Variants in C1QTNF3 observed in about 807,000 individuals in gnomAD.
C1QTNF3 encodes C1q and TNF related 3, also known as complement C1q tumor necrosis factor-related protein 3.
A neutral mutation model predicts 32.6 loss-of-function variants in C1QTNF3; 26 were observed. That is an observed-to-expected ratio of 0.80 (90% CI 0.58 to 1.11). The LOEUF is 1.11. C1QTNF3 is among the 50% of genes least tolerant of loss of function. The pLI, the probability that C1QTNF3 is intolerant of heterozygous loss-of-function variation, is 0.00. For synonymous variants in C1QTNF3, 155 were observed against 146.0 expected, an observed-to-expected ratio of 1.06 and a Z score of -0.44; for missense variants, 362 against 398.2, an observed-to-expected ratio of 0.91 and a Z score of 0.77.
the C1QTNF3 span, among the ~76,000 whole-genome samples, chr5:34,106,596 G>C: frequency 8.3e-6 from 1 of 120,496 alleles, no homozygotes; most frequent in Non-Finnish European, 1.7e-5. Context: ...ATGTATGATG[G>C]TATGATATAT....
At chr5:34,134,870 A>G in the C1QTNF3 span, among the ~76,000 whole-genome samples, 7 of 152,242 alleles carry the variant, frequency 4.6e-5, no homozygotes, top group African/African-American at 1.4e-4. Flanking sequence ...ATCTGCAAAC[A>G]GGGACAATTT....
the C1QTNF3 span, among the ~76,000 whole-genome samples, chr5:34,206,872 G>A: frequency 6.6e-6 from 1 of 152,106 alleles, no homozygotes; most frequent in Admixed American, 6.5e-5. Flanking sequence ...CATCTTTCTT[G>A]ATGGGCATCT....
At chr5:34,209,854 A>C in the C1QTNF3 span, among the ~76,000 whole-genome samples, 1 of 152,124 alleles carries the variant, frequency 6.6e-6, no homozygotes, top group Non-Finnish European at 1.5e-5. Flanking sequence ...AGATTTCCTA[A>C]ACTAACGATT....
the C1QTNF3 span, among the ~76,000 whole-genome samples, chr5:34,134,822 G>C: frequency 3.3e-5 from 5 of 152,188 alleles, no homozygotes; most frequent in African/African-American, 4.8e-5. Flanking sequence ...GAGATTTTGG[G>C]TGGAGACGAT....
At chr5:34,218,201 T>A in the C1QTNF3 span, 21 of 152,620 alleles carry the variant, frequency 1.4e-4, no homozygotes, top group African/African-American at 4.3e-4. Flanking sequence ...TGATAATACA[T>A]ATAAATTTAC....
Position 34,027,736 on chromosome 5 carries a change from A to AC in C1QTNF3, c.700+1017_700+1018insG, listed in dbSNP as rs70964431. 4.8e-3 allele frequency among the ~76,000 whole-genome samples: 10 copies of AC among 2,084 alleles called. No homozygotes were observed. The Admixed American group carries it at 0.066, about 14-fold the overall frequency. 1.4% of individuals were successfully genotyped at this position (2,084 alleles called of 152,430 possible). On this transcript the variant is annotated intron_variant, in intron 4 of 5. Transcript: ENST00000382065. ...CAAACAAAAAAAATCCACCACCACCAAAAAAAAAAAAAAAAAAAAGCAAAC... is the reference window on the plus strand; with the variant it reads ...CAAACAAAAAAAATCCACCACCACCACAAAAAAAAAAAAAAAAAAAGCAAAC...
the C1QTNF3 span, among the ~76,000 whole-genome samples, chr5:34,054,068 G>C: frequency 6.6e-6 from 1 of 152,318 alleles, no homozygotes; most frequent in Middle Eastern, 3.4e-3. Flanking sequence ...ATAATTAGCA[G>C]TGTGACCTTG....
chr5:34,112,241 T>C, the C1QTNF3 span, among the ~76,000 whole-genome samples: 2 of 152,190 alleles, frequency 1.3e-5, no homozygotes, highest in African/African-American at 2.4e-5. Context: ...CCAAGATGTA[T>C]TCTCTTCCAT....
At chr5:34,117,602 C>A in the C1QTNF3 span, among the ~76,000 whole-genome samples, 60 of 151,954 alleles carry the variant, frequency 3.9e-4, no homozygotes, top group African/African-American at 1.4e-3. Context: ...TGGAGACCAG[C>A]CTGACCATCA....
the C1QTNF3 span, among the ~76,000 whole-genome samples, chr5:34,216,376 G>A: frequency 8.5e-5 from 13 of 152,352 alleles, no homozygotes; most frequent in Admixed American, 5.9e-4. Context: ...ATTGCTGGTT[G>A]TGTTGCAACT....
the C1QTNF3 span, among the ~76,000 whole-genome samples, chr5:34,103,234 C>T: frequency 6.6e-6 from 1 of 152,024 alleles, no homozygotes; most frequent in Non-Finnish European, 1.5e-5. Context: ...TCCAGAATCC[C>T]ACCTTTGTTA....
the C1QTNF3 span, among the ~76,000 whole-genome samples, chr5:34,070,769 A>G: frequency 1.3e-5 from 2 of 152,036 alleles, no homozygotes; most frequent in Non-Finnish European, 1.5e-5. Flanking sequence ...CTTATTAACT[A>G]AATTTAGGTT....
intron 4 of C1QTNF3, 106 bp downstream of exon 4, chr5:34,028,648 C>G (rs770798610): frequency 1.3e-5 from 12 of 943,740 alleles, no homozygotes; most frequent in African/African-American, 1.7e-5. Flanking sequence ...CTCCTTCTTT[C>G]TCTCCCTCCC....
the C1QTNF3 span, among the ~76,000 whole-genome samples, chr5:34,171,785 A>G: frequency 3.9e-5 from 6 of 152,180 alleles, no homozygotes; most frequent in Non-Finnish European, 8.8e-5. Flanking sequence ...GAGAAAAACT[A>G]AAGTATTTGT....
chr5:34,061,851 T>C, the C1QTNF3 span, among the ~76,000 whole-genome samples: 2 of 152,202 alleles, frequency 1.3e-5, no homozygotes, highest in Non-Finnish European at 2.9e-5. Flanking sequence ...ATTTTCCCCA[T>C]GGTCTTGGGG....
At chr5:34,065,615 C>T in the C1QTNF3 span, among the ~76,000 whole-genome samples, 8 of 151,772 alleles carry the variant, frequency 5.3e-5, no homozygotes, top group Admixed American at 3.9e-4. Context: ...TGCAGTTACC[C>T]GAAATCAAAC....
At chr5:34,122,811 G>A in the C1QTNF3 span, among the ~76,000 whole-genome samples, 3 of 150,084 alleles carry the variant, frequency 2.0e-5, no homozygotes, top group Non-Finnish European at 4.4e-5. Flanking sequence ...CATCTAAACA[G>A]AAGCCAGGGC....
At chr5:34,077,729 G>A in the C1QTNF3 span, among the ~76,000 whole-genome samples, 2 of 151,544 alleles carry the variant, frequency 1.3e-5, no homozygotes, top group East Asian at 3.9e-4. Context: ...AACTGGGAGA[G>A]GCTGACTTGA....
chr5:34,168,740 C>T, the C1QTNF3 span: 1 of 152,118 alleles, frequency 6.6e-6, no homozygotes. Context: ...GGGAGATATA[C>T]ATGAAGCAGT....
Sources: gnomAD v4.1 joint callset for allele counts (sites outside exome capture counted in the v4.1 genomes callset) on GRCh38, gnomAD v4.1.1 for gene constraint, MANE v1.5 for transcripts, NCBI Gene and HGNC (gene_info 2026-07-23, HGNC 2026-07-21) for gene names.